Variants in GALC observed in about 807,000 individuals in gnomAD.
GALC encodes galactosylceramidase.
In GALC, 77 loss-of-function variants were observed where a neutral mutation model predicts 91.8. The ratio of observed to expected loss-of-function variants is 0.84; its 90% CI spans 0.70 to 1.01. GALC has a LOEUF of 1.01. GALC is among the 50% of genes least tolerant of loss of function. The pLI is 0.00. For missense variants in GALC, 882 were observed against 855.9 expected, an observed-to-expected ratio of 1.03 and a Z score of -0.38; for synonymous variants, 357 against 306.7, an observed-to-expected ratio of 1.16 and a Z score of -1.71.
intron 16 of GALC, among the ~76,000 whole-genome samples, chr14:87,938,408 T>C (rs1884685589): frequency 6.6e-6 from 1 of 151,976 alleles, no homozygotes; most frequent in African/African-American, 2.4e-5. Flanking sequence ...AGTAGCTGTA[T>C]CATCAAAGCT....
chr14:87,957,079 C>A (rs537660091), intron 10 of GALC, among the ~76,000 whole-genome samples: 9 of 151,890 alleles, frequency 5.9e-5, no homozygotes, highest in African/African-American at 2.2e-4. Flanking sequence ...TAAGAAATGT[C>A]TATTCATGTC....
chr14:87,971,054 T>C (rs1886273590), intron 7 of GALC, among the ~76,000 whole-genome samples: 3 of 152,044 alleles, frequency 2.0e-5, no homozygotes, highest in South Asian at 2.1e-4. Flanking sequence ...TTTAAAAAAT[T>C]AGAATTTCTG....
rs1358896680 is a variant in GALC at position 87,988,112 on chromosome 14, T to C, written c.328+32A>G. ...GCTGAGGTATAGATTAAAATGTTGA[T>C]GGGAGAAATCCTATCTCCCAAATTC... On this transcript the variant is annotated intron_variant, in intron 3 of 16. Transcript: ENST00000261304. 3.2e-6 allele frequency: 5 copies of C among 1,549,984 alleles called. No individual in the cohort carries two copies. The Admixed American group carries it at 6.7e-5, about 21-fold the overall frequency.
At chr14:87,941,645 C>A (rs2139942015) in intron 14 of GALC, 87 bp from the exon 15 acceptor site, 1 of 948,096 alleles carries the variant, frequency 1.1e-6, no homozygotes, top group Non-Finnish European at 1.7e-6. Context: ...CACATGCTTC[C>A]AAACTTCTAA....
At chr14:87,957,639 G>A (rs2139979731) in intron 10 of GALC, among the ~76,000 whole-genome samples, 1 of 152,156 alleles carries the variant, frequency 6.6e-6, no homozygotes, top group East Asian at 1.9e-4. Flanking sequence ...TCTGATAAAT[G>A]AATTCAGTAA....
chr14:87,963,228 A>G, intron 10 of GALC, 156 bp downstream of exon 10: 3 of 699,346 alleles, frequency 4.3e-6, no homozygotes, highest in African/African-American at 1.8e-5. Flanking sequence ...ATGTTTTACG[A>G]CTCATGGCTA....
rs150914331 is a variant in GALC, at chr14:87,992,652, T to A, written c.195+318A>T. 4,864 of 1,440,960 alleles carry A rather than the reference T, an allele frequency of 3.4e-3. 13 individuals are homozygous for A. Among genetic ancestry groups the A allele is most frequent in the Non-Finnish European group, 3.9e-3 (4,265 of 1,104,732 alleles). The allele number at this position is 1,440,960 out of a possible 1,614,324, so 89.3% of individuals were successfully genotyped here. On this transcript the variant is annotated intron_variant, in intron 1 of 16. Coordinates refer to ENST00000261304, the MANE Select transcript of GALC (RefSeq NM_000153.4). Reference sequence around the variant, plus strand: ...GCGATGAAGACAGCCTGTGCCCCACTGCCTGGGACGAGGGTTCCAGCCCCG... The same window carrying A: ...GCGATGAAGACAGCCTGTGCCCCACAGCCTGGGACGAGGGTTCCAGCCCCG...
At chr14:87,985,094 T>C (rs1886914668) in intron 4 of GALC, among the ~76,000 whole-genome samples, 1 of 152,214 alleles carries the variant, frequency 6.6e-6, no homozygotes, top group Non-Finnish European at 1.5e-5. Flanking sequence ...TAGAGAAATA[T>C]ACCCTTGTTA....
chr14:87,965,814 G>T (rs1886025887), intron 8 of GALC, among the ~76,000 whole-genome samples, 185 bp from the exon 9 acceptor site: 1 of 152,086 alleles, frequency 6.6e-6, no homozygotes, highest in Admixed American at 6.6e-5. Context: ...AATCCAGTGT[G>T]GGGTACATTG....
intron 7 of GALC, 23 bp from the exon 8 acceptor site, chr14:87,968,513 T>A (rs1460273598): frequency 1.2e-6 from 2 of 1,612,952 alleles, no homozygotes; most frequent in Admixed American, 3.3e-5. Context: ...AGGGTGGAAG[T>A]CAATGAAAAA....
intron 11 of GALC, 94 bp from the exon 12 acceptor site, chr14:87,950,025 C>G: frequency 1.4e-6 from 1 of 713,968 alleles, no homozygotes; most frequent in Non-Finnish European, 2.6e-6. Flanking sequence ...GTACCAATGA[C>G]AATATTATCT....
chr14:87,939,978 C>T lies in GALC; in HGVS notation c.1838G>A (p.Gly613Glu), dbSNP rs1414457160. The change falls in exon 16 of 17, where the codon GGA (glycine) becomes GAA (glutamate). Residue 613 changes from glycine to glutamate, a missense_variant. Coordinates refer to ENST00000261304, the MANE Select transcript of GALC (RefSeq NM_000153.4). ...GSYRVTGDLA[G>E]WIIYALGRVE... ...ACGTCCTAAAGCATATATAATCCAT[C>T]CAGCTGTAACACAAAAATATTATCC... 1.9e-6 allele frequency: 3 copies of T among 1,607,238 alleles called. No individual in the cohort carries two copies. The highest frequency in any genetic ancestry group is 3.3e-5 in the Admixed American group (2 of 59,864).
At chr14:87,939,681 T>A (rs1387375398) in intron 16 of GALC, among the ~76,000 whole-genome samples, 1 of 151,800 alleles carries the variant, frequency 6.6e-6, no homozygotes, top group Non-Finnish European at 1.5e-5. Context: ...TAAAATTTTT[T>A]AAAAAAATAG....
intron 7 of GALC, 99 bp downstream of exon 7, chr14:87,976,259 T>C (rs1886486435): frequency 3.1e-6 from 4 of 1,302,956 alleles, no homozygotes; most frequent in Non-Finnish European, 4.4e-6. Flanking sequence ...AGCTACCTTC[T>C]GAGAATGTAA....
chr14:87,980,347 A>G (rs914729231), intron 6 of GALC, among the ~76,000 whole-genome samples: 9 of 148,150 alleles, frequency 6.1e-5, no homozygotes, highest in Non-Finnish European at 1.0e-4. Flanking sequence ...GCGCCATTGC[A>G]CTCCAGCCTG....
In GALC at chr14:87,963,467, T is replaced by A. The variant is rs1298443144; in HGVS notation, c.1078A>T (p.Thr360Ser). 1 of 1,613,160 alleles carries A rather than the reference T, an allele frequency of 6.2e-7. No homozygotes were observed. The highest frequency in any genetic ancestry group is 8.5e-7 in the Non-Finnish European group (1 of 1,179,298). ...CCTCCTTTCTCTAAATGGCCAACTG[T>A]CTTCAGGTAATACCAGCCAGGTTGA... ...FTQPGWYYLK[T>S]VGHLEKGGSY... Residue 360 changes from threonine (T) to serine (S), a missense_variant, in exon 10 of 17, where the codon ACA becomes TCA. Coordinates refer to ENST00000261304, the MANE Select transcript of GALC (RefSeq NM_000153.4).
rs150858174 is a variant in GALC at position 87,986,383 on chromosome 14, G to A, written c.442+106C>T. On this transcript the variant is annotated intron_variant, in intron 4 of 16. Coordinates refer to ENST00000261304, the MANE Select transcript of GALC (RefSeq NM_000153.4). Reference sequence around the variant, plus strand: ...CTGGTAGCATACTGGTAGCATTAATGACATTATGAGTACTTCCGTATTAAT... The same window carrying A: ...CTGGTAGCATACTGGTAGCATTAATAACATTATGAGTACTTCCGTATTAAT... 2.2e-4 allele frequency: 164 copies of A among 750,726 alleles called. No homozygotes were observed. In the African/African-American group the frequency reaches 2.3e-3, roughly 10 times the overall value. The allele number at this position is 750,726 out of a possible 1,614,324, so 46.5% of individuals were successfully genotyped here. A position where few individuals can be genotyped will look rare whatever the true frequency, so the allele number is the denominator to read the frequency against.
chr14:87,962,308 C>T (rs549716866), intron 10 of GALC, among the ~76,000 whole-genome samples: 3 of 152,098 alleles, frequency 2.0e-5, no homozygotes, highest in East Asian at 1.9e-4. Context: ...CTTTTGACTA[C>T]GATGAAGTGT....
chr14:87,991,964 A>G (rs1474776433), intron 1 of GALC, among the ~76,000 whole-genome samples: 1 of 152,234 alleles, frequency 6.6e-6, no homozygotes, highest in Non-Finnish European at 1.5e-5. Context: ...AGTAGCAAAG[A>G]ATAAATGCAT....
Sources: gnomAD v4.1 joint callset for allele counts (sites outside exome capture counted in the v4.1 genomes callset) on GRCh38, gnomAD v4.1.1 for gene constraint, MANE v1.5 for transcripts, NCBI Gene and HGNC (gene_info 2026-07-23, HGNC 2026-07-21) for gene names.